PTPRZ1: variants seen among roughly 807,000 people sequenced by gnomAD.
PTPRZ1 encodes the protein receptor-type tyrosine-protein phosphatase zeta.
Under a neutral mutation model 214.1 loss-of-function variants are expected in PTPRZ1, and 82 were observed. That is an observed-to-expected ratio of 0.38 (90% CI 0.32 to 0.46). The LOEUF is 0.46. Ranked by LOEUF, PTPRZ1 falls within the 20% of genes least tolerant of loss-of-function variation. The pLI, the probability that PTPRZ1 is intolerant of heterozygous loss-of-function variation, is 1.00. For synonymous variants in PTPRZ1, 945 were observed against 987.9 expected (o/e 0.96, Z 0.81); for missense variants, 2,603 against 2,748.7 (o/e 0.95, Z 1.19).
At chr7:122,044,219 A>G (rs535459913) in intron 22 of PTPRZ1, among the ~76,000 whole-genome samples, 2 of 152,284 alleles carry the variant, frequency 1.3e-5, no homozygotes, top group East Asian at 3.9e-4. Flanking sequence ...ATGAAGAGGT[A>G]AGGAATGAGA....
At chr7:122,022,861 G>A (rs1214512108) in intron 13 of PTPRZ1, among the ~76,000 whole-genome samples, 1 of 152,140 alleles carries the variant, frequency 6.6e-6, no homozygotes, top group Admixed American at 6.6e-5. Context: ...GTCTGGTACT[G>A]CCATAAGAAT....
At chr7:122,051,369 G>A in intron 23 of PTPRZ1, 59 bp from the exon 24 acceptor site, 2 of 1,111,150 alleles carry the variant, frequency 1.8e-6, no homozygotes, top group Non-Finnish European at 2.7e-6. Flanking sequence ...ATGTGTGTGT[G>A]TGTGTATTTG....
At chr7:122,005,021 A>T (rs1178254013) in intron 11 of PTPRZ1, among the ~76,000 whole-genome samples, 1 of 152,020 alleles carries the variant, frequency 6.6e-6, no homozygotes, top group Non-Finnish European at 1.5e-5. Context: ...CCAGTTCTTA[A>T]CATTCTACAG....
chr7:122,046,571 CA>C (rs988215734), intron 23 of PTPRZ1, among the ~76,000 whole-genome samples: 44 of 152,108 alleles, frequency 2.9e-4, no homozygotes, highest in African/African-American at 1.0e-3. Flanking sequence ...TTTGGTGATT[CA>C]TTGGACATTG....
chr7:121,916,306 A>G (rs1466553003), intron 1 of PTPRZ1, among the ~76,000 whole-genome samples: 1 of 151,304 alleles, frequency 6.6e-6, no homozygotes, highest in Admixed American at 6.6e-5. Context: ...TTTTTATTTA[A>G]CCGTTACCAT....
At chr7:121,995,961 T>C (rs73217025) in intron 8 of PTPRZ1, among the ~76,000 whole-genome samples, 6,442 of 152,322 alleles carry the variant, frequency 0.042, 199 homozygotes, top group Middle Eastern at 0.078. Context: ...AACAATGTTC[T>C]AGGCAATATA....
chr7:122,034,090 A>T lies in PTPRZ1; in HGVS notation c.5167-5A>T, dbSNP rs950208913. On this transcript the variant is annotated splice_region_variant and splice_polypyrimidine_tract_variant and intron_variant, in intron 15 of 29. Coordinates refer to ENST00000393386, the MANE Select transcript of PTPRZ1 (RefSeq NM_002851.3). ...TTACTTTTTTGGCATTCATTCCCTC[A>T]TTAGACACTGAAAGAGTTTTACCAG... 5.7e-6 allele frequency: 9 copies of T among 1,592,812 alleles called. No individual in the cohort carries two copies. The African/African-American group carries it at 9.4e-5, about 17-fold the overall frequency.
intron 17 of PTPRZ1, 68 bp downstream of exon 17, chr7:122,034,446 C>A (rs1007792500): frequency 1.1e-5 from 16 of 1,395,998 alleles, no homozygotes; most frequent in Non-Finnish European, 1.5e-5. Context: ...TAAAAGTGTC[C>A]TGAAGTCATC....
At chr7:122,051,357 GTA>G (rs1584779610) in intron 23 of PTPRZ1, 69 bp from the exon 24 acceptor site, 5 of 972,004 alleles carry the variant, frequency 5.1e-6, no homozygotes, top group Non-Finnish European at 6.5e-6. Flanking sequence ...GTGTCTGTAT[GTA>G]TGTGTGTGTG....
At chr7:122,017,896 T>C (rs767250677) in intron 12 of PTPRZ1, among the ~76,000 whole-genome samples, 2 of 152,028 alleles carry the variant, frequency 1.3e-5, no homozygotes, top group Admixed American at 6.5e-5. Flanking sequence ...TATTAATGGA[T>C]TAAATTCCTG....
At chr7:121,984,234 T>A in intron 8 of PTPRZ1, 117 bp downstream of exon 8, 1 of 911,398 alleles carries the variant, frequency 1.1e-6, no homozygotes, top group East Asian at 2.8e-5. Context: ...TAATTATTAA[T>A]TTTGTAGCTT....
At chr7:121,981,093 A>G (rs1375986493) in intron 6 of PTPRZ1, among the ~76,000 whole-genome samples, 1 of 151,632 alleles carries the variant, frequency 6.6e-6, no homozygotes, top group East Asian at 1.9e-4. Flanking sequence ...CAGTGAGCCG[A>G]GATAGCGCCA....
chr7:122,057,283 G>T (rs59001471), intron 27 of PTPRZ1, among the ~76,000 whole-genome samples: 1 of 151,716 alleles, frequency 6.6e-6, no homozygotes, highest in African/African-American at 2.4e-5. Context: ...CAGTGCTTGT[G>T]CTGGGAATGA....
intron 2 of PTPRZ1, among the ~76,000 whole-genome samples, chr7:121,929,059 G>A (rs1236337996): frequency 6.6e-6 from 1 of 152,158 alleles, no homozygotes; most frequent in Non-Finnish European, 1.5e-5. Flanking sequence ...GCTGAATTTT[G>A]TAGATAAGGA....
At chr7:121,981,856 T>C (rs1797623619) in intron 6 of PTPRZ1, among the ~76,000 whole-genome samples, 1 of 152,208 alleles carries the variant, frequency 6.6e-6, no homozygotes, top group Non-Finnish European at 1.5e-5. Context: ...TCTTTGGCTT[T>C]CCTTTTAACT....
chr7:122,035,477 T>A (rs1455142571), intron 17 of PTPRZ1, among the ~76,000 whole-genome samples: 1 of 152,242 alleles, frequency 6.6e-6, no homozygotes, highest in African/African-American at 2.4e-5. Flanking sequence ...TAACATTTGA[T>A]GAACACCTAC....
Position 122,011,265 on chromosome 7 carries a change from C to A in PTPRZ1, c.2219C>A (p.Thr740Lys). 6.2e-7 allele frequency: 1 copy of A among 1,613,954 alleles called. No individual in the cohort carries two copies. The highest frequency in any genetic ancestry group is 2.2e-5 in the East Asian group (1 of 44,864). Residue 740 changes from threonine (T) to lysine (K), a missense_variant, in exon 12 of 30, where the codon ACG (threonine) becomes AAG (lysine). Coordinates refer to ENST00000393386, the MANE Select transcript of PTPRZ1 (RefSeq NM_002851.3). ...PSSRQQDLVS[T>K]VNVVYSQTTQ... Reference sequence around the variant, plus strand: ...TCCAGACAACAGGATTTGGTCTCCACGGTCAACGTGGTATACTCGCAGACA... The same window carrying A: ...TCCAGACAACAGGATTTGGTCTCCAAGGTCAACGTGGTATACTCGCAGACA...
At chr7:121,888,365 T>C (rs1243437572) in intron 1 of PTPRZ1, among the ~76,000 whole-genome samples, 1 of 152,018 alleles carries the variant, frequency 6.6e-6, no homozygotes, top group African/African-American at 2.4e-5. Context: ...AATAAAAGTC[T>C]ATCAAGATGG....
intron 2 of PTPRZ1, among the ~76,000 whole-genome samples, chr7:121,950,142 A>G (rs1021893402): frequency 3.3e-5 from 5 of 152,122 alleles, no homozygotes; most frequent in Non-Finnish European, 7.4e-5. Context: ...GGTGGCAGGC[A>G]AAAAATGAGA....
Sources: allele counts gnomAD v4.1 joint callset (sites outside exome capture counted in the v4.1 genomes callset), GRCh38; gene constraint gnomAD v4.1.1; transcripts MANE v1.5; gene names NCBI Gene and HGNC (gene_info 2026-07-23, HGNC 2026-07-21).